The following USP3 variants were observed in gnomAD, a reference collection of about 807,000 sequenced individuals.
The protein encoded by USP3 is ubiquitin carboxyl-terminal hydrolase 3.
Under a neutral mutation model 72.3 loss-of-function variants are expected in USP3, and 20 were observed. That is an observed-to-expected ratio of 0.28 (90% CI 0.19 to 0.40). The LOEUF (loss-of-function observed/expected upper bound fraction) is 0.40, where lower values mean the gene tolerates loss of function less well. Among genes scored for constraint, USP3 ranks in the 10% least tolerant of loss-of-function variants. The probability of loss-of-function intolerance (pLI) is 1.00; values close to 1 mark genes in which losing one functional copy is unlikely to be tolerated. For synonymous variants in USP3, 222 were observed against 225.3 expected (o/e 0.99, Z 0.13); for missense variants, 479 against 633.9 (o/e 0.76, Z 2.62).
At position 63,592,306 on chromosome 15, in the gene USP3, C is replaced by T. The variant is rs2067217087; in HGVS notation, c.*1480C>T. On this transcript the variant is annotated 3_prime_UTR_variant, in exon 15 of 15. Transcript: ENST00000380324. ...TTAAAGAAAGCAGTTGTGGTTTCTA[C>T]AAGTGTTCTAAGACAGTCCTGTGGT... 6.7e-6 allele frequency: 1 copy of T among 150,094 alleles called. No homozygotes were observed. The highest frequency in any genetic ancestry group is 1.5e-5 in the Non-Finnish European group (1 of 67,736). The allele number at this position is 150,094 out of a possible 1,614,324, so 9.3% of individuals were successfully genotyped here.
At chr15:63,583,762 T>C (rs1391266970) in intron 11 of USP3, among the ~76,000 whole-genome samples, 1 of 152,226 alleles carries the variant, frequency 6.6e-6, no homozygotes, top group Non-Finnish European at 1.5e-5. Flanking sequence ...TAACTTAGTG[T>C]ATATTCAGGG....
At position 63,588,345 on chromosome 15, in the gene USP3, G is replaced by C; in HGVS notation, c.1137G>C (p.Glu379Asp). 6 of 1,600,668 alleles carry C rather than the reference G, an allele frequency of 3.7e-6. No individual in the cohort carries two copies. The highest frequency in any genetic ancestry group is 5.1e-6 in the Non-Finnish European group (6 of 1,176,766). ...TTACCGACTTAGAAGAACTTGATGA[G>C]ACAGAGTTATATATGTGCCATAAAT... ...RSFTDLEELD[E>D]TELYMCHKCK... The change falls in exon 12 of 15, where the codon GAG (glutamate) becomes GAC (aspartate). Residue 379 changes from glutamate (E) to aspartate (D), a missense_variant. Glu to Asp is a conservative substitution (Grantham distance 45, BLOSUM62 2). Transcript: ENST00000380324. This position sits in a 1 kb window ranked among gnomAD's most constrained non-coding sequence, Gnocchi z 4.6.
chr15:63,581,345 TTG>T (rs59188081), intron 11 of USP3, among the ~76,000 whole-genome samples: 8,684 of 129,414 alleles, frequency 0.067, 289 homozygotes, highest in East Asian at 0.19. Context: ...GTGTTGGTTT[TTG>T]TGTGTGTGTG....
chr15:63,526,580 G>A (rs1443745149), intron 1 of USP3, among the ~76,000 whole-genome samples: 1 of 151,718 alleles, frequency 6.6e-6, no homozygotes, highest in East Asian at 1.9e-4. Flanking sequence ...AATTGTGTAG[G>A]CGGGTGGTTC....
At chr15:63,531,929 C>CA (rs2066082292) in intron 1 of USP3, among the ~76,000 whole-genome samples, 1 of 152,234 alleles carries the variant, frequency 6.6e-6, no homozygotes, top group Middle Eastern at 3.4e-3. Context: ...TAGGTGTTTT[C>CA]AAAAAGCTTT....
chr15:63,562,913 T>A lies in USP3; in HGVS notation c.666T>A (p.Phe222Leu), dbSNP rs745509905. The A allele has an allele frequency of 6.2e-7, 1 of 1,610,716 alleles. No homozygotes were observed. Among genetic ancestry groups the A allele is most frequent in the Non-Finnish European group, 8.5e-7 (1 of 1,178,782 alleles). The stretch of plus-strand genomic sequence containing the variant: ...TTTGCAGGTCTTTGGTAGAAGAGTT[T>A]AGAAAGACACTCTGTGCTTTATGGC... ...GDNNVSLVEEFRKTLCALWQG... is the reference protein window; with the variant it reads ...GDNNVSLVEELRKTLCALWQG... The change falls in exon 8 of 15, where the codon TTT (phenylalanine) becomes TTA (leucine). Residue 222 changes from phenylalanine (F) to leucine (L), a missense_variant. Transcript: ENST00000380324.
In USP3 at chr15:63,504,627, C is replaced by G. The variant is rs548049352; in HGVS notation, c.-113C>G. 1.7e-5 allele frequency: 15 copies of G among 895,754 alleles called. No homozygotes were observed. In the East Asian group the frequency reaches 4.8e-4, roughly 29 times the overall value. The allele number at this position is 895,754 out of a possible 1,614,324, so 55.5% of individuals were successfully genotyped here. A position where few individuals can be genotyped will look rare whatever the true frequency, so the allele number is the denominator to read the frequency against. Reference sequence around the variant, plus strand: ...ACGCAAGGGCTCGAGACGCAGCCGCCGTCGGCCGAGCGCCCGGCTAGAAGC... The same window carrying G: ...ACGCAAGGGCTCGAGACGCAGCCGCGGTCGGCCGAGCGCCCGGCTAGAAGC... On this transcript the variant is annotated 5_prime_UTR_variant, in exon 1 of 15. Coordinates refer to ENST00000380324, the MANE Select transcript of USP3 (RefSeq NM_006537.4).
At chr15:63,537,253 G>T in intron 3 of USP3, 97 bp downstream of exon 3, 1 of 1,354,806 alleles carries the variant, frequency 7.4e-7, no homozygotes, top group Non-Finnish European at 9.9e-7. Context: ...TACTACTGCT[G>T]TTACCTCCTT....
intron 7 of USP3, 97 bp downstream of exon 7, chr15:63,560,067 G>A (rs2066580772): frequency 9.4e-6 from 9 of 957,998 alleles, no homozygotes; most frequent in Non-Finnish European, 1.4e-5. Context: ...ACAGGCACAT[G>A]CCTTAAAAAA....
chr15:63,526,631 T>G (rs1272774295), intron 1 of USP3, among the ~76,000 whole-genome samples: 3 of 152,214 alleles, frequency 2.0e-5, no homozygotes, highest in African/African-American at 7.2e-5. Flanking sequence ...TCTGTAATGA[T>G]CTTGAACAGT....
chr15:63,543,567 A>AT (rs761135516), intron 3 of USP3, among the ~76,000 whole-genome samples: 1 of 152,320 alleles, frequency 6.6e-6, no homozygotes, highest in South Asian at 2.1e-4. Context: ...TGGTGTCCTC[A>AT]TTCTGTTTAC....
intron 11 of USP3, among the ~76,000 whole-genome samples, chr15:63,582,668 T>A (rs1377931450): frequency 6.6e-6 from 1 of 152,138 alleles, no homozygotes; most frequent in Non-Finnish European, 1.5e-5. Flanking sequence ...CTTGTAAGTT[T>A]AAGCAACTCA....
intron 1 of USP3, among the ~76,000 whole-genome samples, chr15:63,516,862 A>T (rs915229183): frequency 1.3e-5 from 2 of 151,528 alleles, no homozygotes; most frequent in Non-Finnish European, 2.9e-5. Flanking sequence ...GTTAAAAGAC[A>T]TTTTTTTGTA....
intron 1 of USP3, among the ~76,000 whole-genome samples, chr15:63,508,954 C>T (rs1595698828): frequency 7.9e-6 from 1 of 125,878 alleles, no homozygotes; most frequent in Non-Finnish European, 1.8e-5. Flanking sequence ...CAATTTTGCA[C>T]CAAAAACTGC....
chr15:63,505,879 A>G (rs1456422657), intron 1 of USP3, among the ~76,000 whole-genome samples: 1 of 152,178 alleles, frequency 6.6e-6, no homozygotes, highest in Non-Finnish European at 1.5e-5. Flanking sequence ...AAAAACGGCA[A>G]TGGTATGATT....
intron 3 of USP3, among the ~76,000 whole-genome samples, chr15:63,541,249 A>G (rs1038824933): frequency 6.6e-6 from 1 of 152,192 alleles, no homozygotes; most frequent in Admixed American, 6.5e-5. Context: ...AGTTGTCTAG[A>G]AAAGAGGCTT....
chr15:63,506,828 T>C (rs1328253337), intron 1 of USP3, among the ~76,000 whole-genome samples: 1 of 152,250 alleles, frequency 6.6e-6, no homozygotes, highest in Non-Finnish European at 1.5e-5. Flanking sequence ...TCTAGTCACT[T>C]ACTTGGATTT....
At chr15:63,512,595 C>T (rs929634260) in intron 1 of USP3, among the ~76,000 whole-genome samples, 1 of 152,052 alleles carries the variant, frequency 6.6e-6, no homozygotes, top group African/African-American at 2.4e-5. Context: ...CAGGCAGCCA[C>T]CACCATGCCT....
intron 1 of USP3, among the ~76,000 whole-genome samples, chr15:63,522,123 G>T (rs936756723): frequency 1.3e-5 from 2 of 152,166 alleles, no homozygotes; most frequent in Non-Finnish European, 1.5e-5. Flanking sequence ...CGATCCTCCT[G>T]CCTTGGCCTC....
Sources: gnomAD v4.1 joint callset for allele counts (sites outside exome capture counted in the v4.1 genomes callset) on GRCh38, gnomAD v4.1.1 for gene constraint, Gnocchi (gnomAD v3.1) non-coding constraint, MANE v1.5 for transcripts, NCBI Gene and HGNC (gene_info 2026-07-23, HGNC 2026-07-21) for gene names.